The following APPBP2 variants were observed in gnomAD, a reference collection of about 807,000 sequenced individuals.
APPBP2 encodes amyloid protein-binding protein 2.
APPBP2 carries 15 observed loss-of-function variants against 76.0 expected under a neutral mutation model. The observed-to-expected ratio is 0.20, with a 90% CI of 0.13 to 0.30. The LOEUF is 0.30. APPBP2 is among the 10% of genes least tolerant of loss of function. The probability of loss-of-function intolerance (pLI) is 1.00; values close to 1 mark genes in which losing one functional copy is unlikely to be tolerated. For missense variants in APPBP2, 401 were observed against 687.2 expected, an observed-to-expected ratio of 0.58 and a Z score of 4.66; for synonymous variants, 222 against 242.2, an observed-to-expected ratio of 0.92 and a Z score of 0.77.
intron 4 of APPBP2, among the ~76,000 whole-genome samples, chr17:60,471,165 CAT>C (rs750048533): frequency 1.4e-4 from 22 of 152,110 alleles, no homozygotes; most frequent in Non-Finnish European, 2.9e-4. Context: ...ACTTAATTGA[CAT>C]GTGATTTGCA....
Position 60,526,059 on chromosome 17 carries a change from G to T in APPBP2, c.-128C>A. 1 of 927,160 alleles carries T rather than the reference G, an allele frequency of 1.1e-6. No individual in the cohort carries two copies. Among genetic ancestry groups the T allele is most frequent in the Non-Finnish European group, 1.6e-6 (1 of 626,724 alleles). 57.4% of individuals were successfully genotyped at this position (927,160 alleles called of 1,614,324 possible). ...GTGGCAGCCACGCGGGCGCACGGCA[G>T]AAGGCACGGCCGCCCTGCCTCCTCC... On this transcript the variant is annotated 5_prime_UTR_variant, in exon 1 of 13. In the 5' UTR this introduces an upstream ATG that the reference lacks. Transcript: ENST00000083182.
At chr17:60,465,806 TCAAATTCACCTCA>T (rs1450786848) in intron 5 of APPBP2, among the ~76,000 whole-genome samples, 2 of 152,206 alleles carry the variant, frequency 1.3e-5, no homozygotes, top group African/African-American at 4.8e-5. Flanking sequence ...TGTATATATT[TCAAATTCACCTCA>T]CAAACACTCC....
intron 4 of APPBP2, among the ~76,000 whole-genome samples, chr17:60,477,117 C>T (rs116220272): frequency 0.016 from 2,379 of 152,148 alleles, 65 homozygotes; most frequent in African/African-American, 0.053. Flanking sequence ...ACTTTTTGAC[C>T]TCCCCTCTTC....
At chr17:60,494,993 T>G (rs1254090156) in intron 2 of APPBP2, among the ~76,000 whole-genome samples, 3 of 149,078 alleles carry the variant, frequency 2.0e-5, no homozygotes, top group Non-Finnish European at 1.5e-5. Flanking sequence ...TGTTTTTTTT[T>G]TTTTTTTTTG....
chr17:60,509,540 C>T (rs969050679), intron 1 of APPBP2, among the ~76,000 whole-genome samples: 6 of 151,876 alleles, frequency 4.0e-5, no homozygotes, highest in African/African-American at 9.7e-5. Context: ...TGGTGGCTCA[C>T]GCCTGTAATC....
chr17:60,457,414 TTTTG>T (rs1166510655), intron 9 of APPBP2, among the ~76,000 whole-genome samples: 2 of 151,986 alleles, frequency 1.3e-5, no homozygotes, highest in African/African-American at 4.8e-5. Flanking sequence ...CTGAGGTTTT[TTTTG>T]TTTTGTTTTT....
intron 1 of APPBP2, among the ~76,000 whole-genome samples, chr17:60,515,710 C>G (rs140683200): frequency 2.0e-5 from 3 of 152,298 alleles, no homozygotes; most frequent in Non-Finnish European, 4.4e-5. Flanking sequence ...CCCTGAGGCC[C>G]TGCTAGATAT....
chr17:60,489,057 C>T (rs762695507), intron 3 of APPBP2, among the ~76,000 whole-genome samples: 3 of 151,374 alleles, frequency 2.0e-5, no homozygotes, highest in African/African-American at 4.9e-5. Context: ...CTCATCACTA[C>T]TAAAAATACA....
chr17:60,474,681 T>C (rs1239556348), intron 4 of APPBP2, among the ~76,000 whole-genome samples: 3 of 152,204 alleles, frequency 2.0e-5, no homozygotes, highest in African/African-American at 4.8e-5. Flanking sequence ...AAACCTGTAA[T>C]AGGTTTGACG....
intron 1 of APPBP2, among the ~76,000 whole-genome samples, chr17:60,523,815 C>T (rs1321808866): frequency 1.3e-5 from 2 of 152,166 alleles, no homozygotes; most frequent in Admixed American, 1.3e-4. Flanking sequence ...AATCTACTAT[C>T]TTAAGATAGA....
intron 3 of APPBP2, among the ~76,000 whole-genome samples, chr17:60,492,413 T>G (rs1167981235): frequency 6.6e-6 from 1 of 152,162 alleles, no homozygotes; most frequent in East Asian, 1.9e-4. Flanking sequence ...CACTGAAAGC[T>G]TGCACCGTGT....
intron 12 of APPBP2, among the ~76,000 whole-genome samples, chr17:60,448,224 C>G (rs2090365547): frequency 6.6e-6 from 1 of 152,176 alleles, no homozygotes; most frequent in Non-Finnish European, 1.5e-5. Flanking sequence ...GGGTGGATCA[C>G]CTGAGGTCAA....
intron 1 of APPBP2, among the ~76,000 whole-genome samples, chr17:60,521,737 G>A (rs2091011439): frequency 6.6e-6 from 1 of 152,136 alleles, no homozygotes; most frequent in African/African-American, 2.4e-5. Context: ...CTTTGAATGA[G>A]ACCCAACAGA....
At chr17:60,499,498 A>G (rs943215894) in intron 2 of APPBP2, among the ~76,000 whole-genome samples, 3 of 152,184 alleles carry the variant, frequency 2.0e-5, no homozygotes, top group Non-Finnish European at 4.4e-5. Flanking sequence ...ACATAGTCAA[A>G]CTAAGTCTCT....
chr17:60,444,151 T>A lies in APPBP2; in HGVS notation c.*3430A>T, dbSNP rs1336697563. 6.6e-6 allele frequency: 1 copy of A among 150,706 alleles called. No individual in the cohort carries two copies. Among genetic ancestry groups the A allele is most frequent in the East Asian group, 1.9e-4 (1 of 5,184 alleles). The allele number at this position is 150,706 out of a possible 1,614,324, so 9.3% of individuals were successfully genotyped here. A position where few individuals can be genotyped will look rare whatever the true frequency, so the allele number is the denominator to read the frequency against. On this transcript the variant is annotated 3_prime_UTR_variant, in exon 13 of 13. Transcript: ENST00000083182. ...TCTGAAAAAAAAAAAAAAAATTTCC[T>A]GGCAACTAAGTTCCTCCACAGCCAA...
chr17:60,458,435 C>A (rs79187270), intron 9 of APPBP2, among the ~76,000 whole-genome samples: 93 of 137,246 alleles, frequency 6.8e-4, no homozygotes, highest in African/African-American at 2.2e-3. Context: ...GACTCTGTCT[C>A]AAAAAAAAAA....
At chr17:60,458,876 G>A (rs575833021) in intron 9 of APPBP2, among the ~76,000 whole-genome samples, 20 of 151,692 alleles carry the variant, frequency 1.3e-4, no homozygotes, top group Admixed American at 1.3e-4. Context: ...GGGTTCAAGC[G>A]ATTCTCCTGC....
chr17:60,516,182 AAAAC>A (rs957808303), intron 1 of APPBP2, among the ~76,000 whole-genome samples: 4 of 152,058 alleles, frequency 2.6e-5, no homozygotes, highest in African/African-American at 4.8e-5. Flanking sequence ...AAACAAAAAA[AAAAC>A]AAACAAAAAA....
At chr17:60,498,642 T>C (rs1261211230) in intron 2 of APPBP2, among the ~76,000 whole-genome samples, 1 of 151,992 alleles carries the variant, frequency 6.6e-6, no homozygotes, top group African/African-American at 2.4e-5. Flanking sequence ...TAGGTGATTC[T>C]CATAAAACAA....
Sources: allele counts gnomAD v4.1 joint callset (sites outside exome capture counted in the v4.1 genomes callset), GRCh38; gene constraint gnomAD v4.1.1; transcripts MANE v1.5; gene names NCBI Gene and HGNC (gene_info 2026-07-23, HGNC 2026-07-21).